Variants in BEND7 observed in about 807,000 individuals in gnomAD.
The protein encoded by BEND7 is BEN domain containing 7, also known as BEN domain-containing protein 7.
Under a neutral mutation model 50.9 loss-of-function variants are expected in BEND7, and 28 were observed. The ratio of observed to expected loss-of-function variants is 0.55; its 90% confidence interval spans 0.41 to 0.75. The LOEUF is 0.75. Among genes scored for constraint, BEND7 ranks in the 30% least tolerant of loss-of-function variants. The probability of loss-of-function intolerance (pLI) is 0.00; values close to 1 mark genes in which losing one functional copy is unlikely to be tolerated. For synonymous variants in BEND7, 170 were observed against 183.9 expected, an observed-to-expected ratio of 0.92 and a Z score of 0.61; for missense variants, 477 against 491.3, an observed-to-expected ratio of 0.97 and a Z score of 0.28.
At chr10:13,465,898 TG>T (rs2074201898) in intron 6 of BEND7, among the ~76,000 whole-genome samples, 1 of 152,138 alleles carries the variant, frequency 6.6e-6, no homozygotes, top group East Asian at 1.9e-4. Context: ...TGTGTGTGTG[TG>T]TGTGGTGGCA....
intron 2 of BEND7, among the ~76,000 whole-genome samples, chr10:13,511,002 A>C (rs1273300112): frequency 1.3e-5 from 2 of 152,102 alleles, no homozygotes; most frequent in East Asian, 3.9e-4. Flanking sequence ...ACATGGTGAA[A>C]CCCCATCCCT....
intron 6 of BEND7, among the ~76,000 whole-genome samples, chr10:13,472,448 C>G (rs1229414000): frequency 6.6e-6 from 1 of 151,708 alleles, no homozygotes; most frequent in East Asian, 1.9e-4. Flanking sequence ...TCTGTCATCG[C>G]TGTTAGATTT....
At chr10:13,476,088 G>C (rs1049094997) in intron 6 of BEND7, among the ~76,000 whole-genome samples, 14 of 152,082 alleles carry the variant, frequency 9.2e-5, no homozygotes, top group Non-Finnish European at 1.9e-4. Flanking sequence ...AAATAGAAAA[G>C]AGCTATTCAC....
chr10:13,507,225 A>G (rs2077961195), intron 2 of BEND7, among the ~76,000 whole-genome samples: 1 of 152,192 alleles, frequency 6.6e-6, no homozygotes, highest in African/African-American at 2.4e-5. Flanking sequence ...ATATGATTCC[A>G]AGCTGGTAAA....
At chr10:13,467,601 C>T (rs745530712) in intron 6 of BEND7, among the ~76,000 whole-genome samples, 3 of 152,146 alleles carry the variant, frequency 2.0e-5, no homozygotes, top group Non-Finnish European at 4.4e-5. Context: ...ATTACACTAC[C>T]CTTAATTCCT....
intron 3 of BEND7, among the ~76,000 whole-genome samples, chr10:13,499,141 A>C (rs1045580577): frequency 6.6e-6 from 1 of 152,232 alleles, no homozygotes; most frequent in African/African-American, 2.4e-5. Flanking sequence ...CACAAAAAGC[A>C]TCAGGTTTTT....
intron 6 of BEND7, among the ~76,000 whole-genome samples, chr10:13,465,508 G>A (rs955579818): frequency 6.6e-6 from 1 of 152,126 alleles, no homozygotes; most frequent in Non-Finnish European, 1.5e-5. Context: ...TACTCTATGG[G>A]GCTGTTATTT....
intron 4 of BEND7, among the ~76,000 whole-genome samples, chr10:13,495,627 A>C (rs1432975198): frequency 6.6e-6 from 1 of 152,194 alleles, no homozygotes; most frequent in Non-Finnish European, 1.5e-5. Context: ...ATGCCATTGC[A>C]CTCCAGCCTG....
At chr10:13,501,019 C>T (rs2077407279) in intron 2 of BEND7, among the ~76,000 whole-genome samples, 1 of 152,178 alleles carries the variant, frequency 6.6e-6, no homozygotes, top group Non-Finnish European at 1.5e-5. Flanking sequence ...AATGAAAGAA[C>T]TTCTATACTG....
At chr10:13,472,940 A>G (rs1433837195) in intron 6 of BEND7, among the ~76,000 whole-genome samples, 2 of 150,456 alleles carry the variant, frequency 1.3e-5, no homozygotes, top group African/African-American at 4.9e-5. Context: ...ATCTGTCATC[A>G]CTGTTAGACT....
At chr10:13,463,990 C>T (rs1165922595) in intron 6 of BEND7, among the ~76,000 whole-genome samples, 2 of 152,220 alleles carry the variant, frequency 1.3e-5, no homozygotes, top group Non-Finnish European at 2.9e-5. Context: ...CACTTGAGAA[C>T]CATCAGACTG....
chr10:13,441,910 G>T, intron 8 of BEND7, 160 bp from the exon 9 acceptor site: 2 of 692,284 alleles, frequency 2.9e-6, no homozygotes. Context: ...GATGTAACTT[G>T]TCTAGTAGTT....
At chr10:13,495,876 C>A (rs1266327571) in intron 4 of BEND7, among the ~76,000 whole-genome samples, 1 of 152,192 alleles carries the variant, frequency 6.6e-6, no homozygotes, top group African/African-American at 2.4e-5. Context: ...GAAAGCCAGT[C>A]ACGACATGGC....
rs191268560 is a variant in BEND7, at chr10:13,485,263, A to G, written c.838-4139T>C. On this transcript the variant is annotated intron_variant, in intron 5 of 8. Coordinates refer to ENST00000466271, the MANE Select transcript of BEND7 (RefSeq NM_001369863.1). ...TTATATAAGGTATTAGTAAGGTATT[A>G]ATAAGTAAATTACAGTAAGATACAT... 5.2e-4 allele frequency among the ~76,000 whole-genome samples: 79 copies of G among 152,344 alleles called. 1 individual carries two copies. The highest frequency in any genetic ancestry group is 5.1e-3 in the Admixed American group (78 of 15,308).
chr10:13,459,795 A>G (rs933289487), intron 6 of BEND7: 16 of 152,376 alleles, frequency 1.1e-4, no homozygotes, highest in African/African-American at 3.8e-4. Context: ...ATTTGATGTC[A>G]TGACCCAGTA....
intron 6 of BEND7, among the ~76,000 whole-genome samples, chr10:13,456,126 C>A (rs1422497351): frequency 1.3e-5 from 2 of 152,158 alleles, no homozygotes; most frequent in African/African-American, 4.8e-5. Flanking sequence ...CTCTACTCCT[C>A]CCCTATCCTT....
chr10:13,454,488 T>G (rs1434852001), intron 6 of BEND7, among the ~76,000 whole-genome samples: 2 of 151,952 alleles, frequency 1.3e-5, no homozygotes, highest in Admixed American at 6.6e-5. Context: ...GGAGTGGTGG[T>G]GCAAGCCTGT....
chr10:13,455,961 C>T lies in BEND7; in HGVS notation c.1064-3303G>A, dbSNP rs115753810. ...GGCTATGCAGCGTGGCGGGAGTCTA[C>T]AGGCTTTCCACCTCCGTCTCCTGCA... On this transcript the variant is annotated intron_variant, in intron 6 of 8. Coordinates refer to ENST00000466271, the MANE Select transcript of BEND7 (RefSeq NM_001369863.1). 6.0e-3 allele frequency among the ~76,000 whole-genome samples: 910 copies of T among 152,262 alleles called. 7 individuals carry two copies. The highest frequency in any genetic ancestry group is 0.021 in the African/African-American group (863 of 41,546).
intron 6 of BEND7, among the ~76,000 whole-genome samples, chr10:13,474,332 T>G (rs1342401843): frequency 6.7e-6 from 1 of 150,226 alleles, no homozygotes; most frequent in Non-Finnish European, 1.5e-5. Context: ...GCTGTTAAAT[T>G]TGGGGTCGAT....
Sources: gnomAD v4.1 joint callset for allele counts (sites outside exome capture counted in the v4.1 genomes callset) on GRCh38, gnomAD v4.1.1 for gene constraint, MANE v1.5 for transcripts, NCBI Gene and HGNC (gene_info 2026-07-23, HGNC 2026-07-21) for gene names.